ITGBL1: variants seen among roughly 807,000 people sequenced by gnomAD.
ITGBL1 encodes integrin beta-like protein 1.
ITGBL1 carries 51 observed loss-of-function variants against 68.5 expected under a neutral mutation model. The observed-to-expected ratio is 0.74, with a 90% CI of 0.59 to 0.94. The LOEUF is 0.94. Among genes scored for constraint, ITGBL1 ranks in the 40% least tolerant of loss-of-function variants. The pLI, the probability that ITGBL1 is intolerant of heterozygous loss-of-function variation, is 0.00. For missense variants in ITGBL1, 649 were observed against 647.4 expected, an observed-to-expected ratio of 1.00 and a Z score of -0.03; for synonymous variants, 209 against 227.3, an observed-to-expected ratio of 0.92 and a Z score of 0.72.
At chr13:101,513,071 C>T (rs1355075974) in intron 2 of ITGBL1, among the ~76,000 whole-genome samples, 2 of 152,000 alleles carry the variant, frequency 1.3e-5, no homozygotes, top group African/African-American at 2.4e-5. Context: ...TAGGCATTAT[C>T]GATGAGAACT....
At chr13:101,567,181 C>T (rs1034687655) in intron 2 of ITGBL1, among the ~76,000 whole-genome samples, 6 of 152,040 alleles carry the variant, frequency 3.9e-5, no homozygotes, top group Non-Finnish European at 5.9e-5. Context: ...AAAATATATA[C>T]GTATTTTATG....
chr13:101,689,295 A>T (rs2033830739), intron 7 of ITGBL1, among the ~76,000 whole-genome samples: 1 of 149,766 alleles, frequency 6.7e-6, no homozygotes, highest in Non-Finnish European at 1.5e-5. Context: ...TGTGAGTAGG[A>T]GGATGCCAAT....
chr13:101,530,551 C>T (rs1332252975), intron 2 of ITGBL1, among the ~76,000 whole-genome samples: 1 of 152,078 alleles, frequency 6.6e-6, no homozygotes, highest in South Asian at 2.1e-4. Flanking sequence ...CTTCCAAAAC[C>T]AAGACTGAAA....
chr13:101,476,205 G>A (rs1213230071), intron 2 of ITGBL1, among the ~76,000 whole-genome samples: 3 of 149,894 alleles, frequency 2.0e-5, no homozygotes, highest in Non-Finnish European at 4.5e-5. Flanking sequence ...GATGAAGTTA[G>A]TGTAGAGTTT....
chr13:101,561,868 T>G (rs1183507827), intron 2 of ITGBL1, among the ~76,000 whole-genome samples: 1 of 151,262 alleles, frequency 6.6e-6, no homozygotes, highest in Non-Finnish European at 1.5e-5. Flanking sequence ...TTGACAAACT[T>G]GAATCTACAC....
At chr13:101,457,229 G>GGGTA (rs1475869292) in intron 2 of ITGBL1, among the ~76,000 whole-genome samples, 1 of 152,166 alleles carries the variant, frequency 6.6e-6, no homozygotes, top group Non-Finnish European at 1.5e-5. Flanking sequence ...GATGACAGAT[G>GGGTA]GGTAGATAGA....
At chr13:101,682,388 C>A (rs555286175) in intron 7 of ITGBL1, among the ~76,000 whole-genome samples, 149 of 152,116 alleles carry the variant, frequency 9.8e-4, no homozygotes, top group African/African-American at 3.4e-3. Context: ...TTATATAAAT[C>A]TTGCAGTATC....
intron 2 of ITGBL1, among the ~76,000 whole-genome samples, chr13:101,490,181 A>C (rs1485247983): frequency 6.6e-6 from 1 of 152,042 alleles, no homozygotes; most frequent in East Asian, 1.9e-4. Context: ...TGGGATCAGT[A>C]CCTTTATAAG....
chr13:101,671,518 A>C (rs1265204880), intron 7 of ITGBL1, among the ~76,000 whole-genome samples: 1 of 135,278 alleles, frequency 7.4e-6, no homozygotes, highest in Non-Finnish European at 1.5e-5. Context: ...GGCTCACTGC[A>C]AGCTCCGCCT....
intron 7 of ITGBL1, among the ~76,000 whole-genome samples, chr13:101,682,969 C>T (rs9518491): frequency 0.19 from 28,610 of 151,810 alleles, 3,427 homozygotes; most frequent in Admixed American, 0.28. Context: ...CCCCTGGAAA[C>T]GTATTTAGTT....
At chr13:101,642,819 G>T (rs1443868141) in intron 7 of ITGBL1, among the ~76,000 whole-genome samples, 1 of 151,772 alleles carries the variant, frequency 6.6e-6, no homozygotes. Context: ...ATTAAATGTG[G>T]AATCCTTTCC....
intron 2 of ITGBL1, among the ~76,000 whole-genome samples, chr13:101,477,301 A>G (rs1051148045): frequency 2.6e-5 from 4 of 152,106 alleles, no homozygotes; most frequent in African/African-American, 9.6e-5. Context: ...ACAAATGGAA[A>G]GACTACATAC....
intron 7 of ITGBL1, among the ~76,000 whole-genome samples, chr13:101,616,930 T>C (rs2031388082): frequency 6.6e-6 from 1 of 152,196 alleles, no homozygotes; most frequent in African/African-American, 2.4e-5. Flanking sequence ...TGGTTAGGTA[T>C]CAGACAATGA....
intron 2 of ITGBL1, among the ~76,000 whole-genome samples, chr13:101,536,621 A>C (rs2049581837): frequency 6.6e-6 from 1 of 151,992 alleles, no homozygotes; most frequent in Non-Finnish European, 1.5e-5. Flanking sequence ...AGTTGTGGTC[A>C]ATAATTCATT....
intron 7 of ITGBL1, among the ~76,000 whole-genome samples, chr13:101,608,702 C>G (rs761813687): frequency 5.3e-5 from 8 of 152,030 alleles, no homozygotes; most frequent in African/African-American, 7.2e-5. Flanking sequence ...TTCAGATTTA[C>G]CCTATTCTGT....
rs1455051242 is a variant in ITGBL1, at chr13:101,628,591, C to T, written c.1015+30292C>T. On this transcript the variant is annotated intron_variant, in intron 7 of 10. Transcript: ENST00000376180. ...GGGACTACAGGCGTGCACCACCATA[C>T]CCAGCTAATTTTTTTTTTTTTTGTA... Among the ~76,000 whole-genome samples, 4 of 122,536 alleles carry T rather than the reference C, an allele frequency of 3.3e-5. No homozygotes were observed. The East Asian group carries it at 1.0e-3, about 31-fold the overall frequency. 80.4% of individuals were successfully genotyped at this position (122,536 alleles called of 152,430 possible). A position where few individuals can be genotyped will look rare whatever the true frequency, so the allele number is the denominator to read the frequency against.
intron 2 of ITGBL1, among the ~76,000 whole-genome samples, chr13:101,476,774 G>A (rs1406675885): frequency 1.3e-5 from 2 of 152,092 alleles, no homozygotes; most frequent in Admixed American, 6.6e-5. Context: ...AATGATAAAG[G>A]AGTCAACTCA....
chr13:101,542,399 A>G (rs1400260494), intron 2 of ITGBL1, among the ~76,000 whole-genome samples: 10 of 152,174 alleles, frequency 6.6e-5, no homozygotes, highest in South Asian at 4.1e-4. Flanking sequence ...GTTCTAGTTT[A>G]ATTGCACTGT....
chr13:101,693,106 C>A (rs188269155), intron 8 of ITGBL1, among the ~76,000 whole-genome samples: 5 of 152,072 alleles, frequency 3.3e-5, no homozygotes, highest in Non-Finnish European at 5.9e-5. Context: ...AAGAGGTATA[C>A]GCTCAGATTC....
Sources: allele counts gnomAD v4.1 joint callset (sites outside exome capture counted in the v4.1 genomes callset), GRCh38; gene constraint gnomAD v4.1.1; transcripts MANE v1.5; gene names NCBI Gene and HGNC (gene_info 2026-07-23, HGNC 2026-07-21).